Variants in TMEM204 observed in about 807,000 individuals in gnomAD.
The protein encoded by TMEM204 is transmembrane protein 204, also known as claudin-like protein 24.
A neutral mutation model predicts 19.4 loss-of-function variants in TMEM204; 15 were observed. The observed-to-expected ratio is 0.77, with a 90% CI of 0.52 to 1.19. The LOEUF is 1.19. TMEM204 is among the 50% of genes most tolerant of loss of function. The probability of loss-of-function intolerance (pLI) is 0.00; values close to 1 mark genes in which losing one functional copy is unlikely to be tolerated. For synonymous variants in TMEM204, 161 were observed against 146.0 expected, an observed-to-expected ratio of 1.10 and a Z score of -0.74; for missense variants, 287 against 321.2, an observed-to-expected ratio of 0.89 and a Z score of 0.81.
At chr16:1,541,422 C>T in intron 1 of TMEM204, 1 of 985,410 alleles carries the variant, frequency 1.0e-6, no homozygotes, top group South Asian at 4.7e-5. Context: ...CCACCATGAG[C>T]CGCTTGGGGG....
intron 1 of TMEM204, among the ~76,000 whole-genome samples, chr16:1,538,165 C>T (rs115451865): frequency 0.029 from 4,400 of 152,272 alleles, 212 homozygotes; most frequent in African/African-American, 0.1. Context: ...AGGAGTGCCT[C>T]CTTCCTGGCA....
chr16:1,547,281 C>T (rs1325852199), intron 2 of TMEM204, among the ~76,000 whole-genome samples: 2 of 152,196 alleles, frequency 1.3e-5, no homozygotes, highest in African/African-American at 4.8e-5. Context: ...CGTCCCGATG[C>T]CCCGTGACAC....
At position 1,541,172 on chromosome 16, in the gene TMEM204, G is replaced by A. The variant is rs1018859146; in HGVS notation, c.281-749G>A. 3 of 985,314 alleles carry A rather than the reference G, an allele frequency of 3.0e-6. No individual in the cohort carries two copies. In the African/African-American group the frequency reaches 5.2e-5, roughly 17 times the overall value. 61.0% of individuals were successfully genotyped at this position (985,314 alleles called of 1,614,324 possible). A position where few individuals can be genotyped will look rare whatever the true frequency, so the allele number is the denominator to read the frequency against. On this transcript the variant is annotated intron_variant, in intron 1 of 2. Coordinates refer to ENST00000566264, the MANE Select transcript of TMEM204 (RefSeq NM_024600.6). Reference sequence around the variant, plus strand: ...GCTCCTGCAACCAGGTGTAGGTGGGGGACAGAGAAGGCTGGGCACAGGCCT... The same window carrying A: ...GCTCCTGCAACCAGGTGTAGGTGGGAGACAGAGAAGGCTGGGCACAGGCCT...
chr16:1,554,168 G>A (rs1006749414), intron 2 of TMEM204: 18 of 1,274,392 alleles, frequency 1.4e-5, no homozygotes, highest in Non-Finnish European at 1.8e-5. Context: ...ACAAGGCCCT[G>A]GCCCCATCTC....
At chr16:1,542,756 C>T (rs558044292) in intron 2 of TMEM204, among the ~76,000 whole-genome samples, 3 of 152,362 alleles carry the variant, frequency 2.0e-5, no homozygotes, top group South Asian at 4.1e-4. Context: ...AGGACCATCA[C>T]GAGGCCCTGG....
At position 1,553,329 on chromosome 16, in the gene TMEM204, T is replaced by A. The variant is rs938719962; in HGVS notation, c.437-1453T>A. 2.0e-6 allele frequency: 2 copies of A among 985,374 alleles called. No homozygotes were observed. The highest frequency in any genetic ancestry group is 5.2e-4 in the Middle Eastern group (1 of 1,914). 61.0% of individuals were successfully genotyped at this position (985,374 alleles called of 1,614,324 possible). A position where few individuals can be genotyped will look rare whatever the true frequency, so the allele number is the denominator to read the frequency against. ...GTCTCTGTCTCTGTGTCTCTGTCCC[T>A]GTGTCTCTTTTTCTCCCATCCTCTC... On this transcript the variant is annotated intron_variant, in intron 2 of 2. Transcript: ENST00000566264. The surrounding 1 kb of genome is among the most constrained non-coding windows in gnomAD (Gnocchi z 4.4).
rs1027261594 is a variant in TMEM204 at position 1,551,053 on chromosome 16, A to C, written c.437-3729A>C. Among the ~76,000 whole-genome samples, 3 of 152,134 alleles carry C rather than the reference A, an allele frequency of 2.0e-5. No individual in the cohort carries two copies. Among genetic ancestry groups the C allele is most frequent in the Admixed American group, 2.0e-4 (3 of 15,284 alleles). ...CCCTTTGAGGGGTCCTGGTCACTCA[A>C]CTGCCAAGGCTGCTGTTCCTCCTCG... On this transcript the variant is annotated intron_variant, in intron 2 of 2. Transcript: ENST00000566264. This position sits in a 1 kb window ranked among gnomAD's most constrained non-coding sequence, Gnocchi z 4.0.
rs955992979 is a variant in TMEM204, at chr16:1,533,952, G to A, written c.-324G>A. On this transcript the variant is annotated 5_prime_UTR_variant, in exon 1 of 3. Coordinates refer to ENST00000566264, the MANE Select transcript of TMEM204 (RefSeq NM_024600.6). The surrounding 1 kb of genome is among the most constrained non-coding windows in gnomAD (Gnocchi z 4.7). ...GCTGCAGGCGAGAAGAGGCACGCGCGGCACAGGCCGGCCTCCGCTTCCCGG... is the reference window on the plus strand; with the variant it reads ...GCTGCAGGCGAGAAGAGGCACGCGCAGCACAGGCCGGCCTCCGCTTCCCGG... The A allele has an allele frequency of 2.5e-5, 10 of 398,736 alleles. No individual in the cohort carries two copies. Among genetic ancestry groups the A allele is most frequent in the Non-Finnish European group, 4.5e-5 (10 of 222,518 alleles). The allele number at this position is 398,736 out of a possible 1,614,324, so 24.7% of individuals were successfully genotyped here.
chr16:1,553,932 A>T lies in TMEM204; in HGVS notation c.437-850A>T. The T allele has an allele frequency of 7.8e-7, 1 of 1,285,168 alleles. No homozygotes were observed. Among genetic ancestry groups the T allele is most frequent in the South Asian group, 1.2e-5 (1 of 80,908 alleles). 79.6% of individuals were successfully genotyped at this position (1,285,168 alleles called of 1,614,324 possible). ...CTAAAAAGGTCTTTGGAGCTCCTCA[A>T]AGATAAAACTGTAAGTGAAACTGTA... On this transcript the variant is annotated intron_variant, in intron 2 of 2. Coordinates refer to ENST00000566264, the MANE Select transcript of TMEM204 (RefSeq NM_024600.6). The surrounding 1 kb of genome is among the most constrained non-coding windows in gnomAD (Gnocchi z 4.4).
At chr16:1,544,239 C>A (rs886493946) in intron 2 of TMEM204, among the ~76,000 whole-genome samples, 38 of 148,198 alleles carry the variant, frequency 2.6e-4, no homozygotes, top group Admixed American at 1.4e-3. Flanking sequence ...GCTGGAGTGC[C>A]GTGGCACAAT....
intron 1 of TMEM204, 108 bp from the exon 2 acceptor site, chr16:1,541,813 C>T (rs573191192): frequency 1.5e-5 from 21 of 1,359,420 alleles, no homozygotes; most frequent in East Asian, 2.6e-5. Flanking sequence ...CAGCCTGTGC[C>T]GACCGCCCTT....
rs570954438 is a variant in TMEM204 at position 1,551,980 on chromosome 16, C to T, written c.437-2802C>T. ...GGCCCGCGCTGTCCCCCTGCAATGA[C>T]GGTACCTCCAGGTCCCCTATGTGTG... On this transcript the variant is annotated intron_variant, in intron 2 of 2. Transcript: ENST00000566264. The surrounding 1 kb of genome is among the most constrained non-coding windows in gnomAD (Gnocchi z 4.0). Among the ~76,000 whole-genome samples the T allele has an allele frequency of 6.6e-5, 10 of 152,240 alleles. No homozygotes were observed. The South Asian group carries it at 1.9e-3, about 28-fold the overall frequency.
rs2032971626 is a variant in TMEM204, at chr16:1,554,975, A to G, written c.630A>G (p.Thr210=). The G allele has an allele frequency of 1.2e-6, 2 of 1,613,756 alleles. No homozygotes were observed. The highest frequency in any genetic ancestry group is 1.7e-5 in the Admixed American group (1 of 60,000). ...PRVIVISRSL[T]ARFRRGLDND... The stretch of plus-strand genomic sequence containing the variant: ...TGATTGTCATCAGCCGCTCCCTGAC[A>G]GCGCGCTTTCGCCGTGGGCTGGACA... The change falls in exon 3 of 3, where the codon ACA becomes ACG. Residue 210 remains threonine (T), a synonymous_variant. Transcript: ENST00000566264.
Position 1,534,548 on chromosome 16 carries a change from C to G in TMEM204, c.273C>G (p.Thr91=). 3.1e-6 allele frequency: 5 copies of G among 1,603,050 alleles called. No individual in the cohort carries two copies. Among genetic ancestry groups the G allele is most frequent in the Non-Finnish European group, 4.2e-6 (5 of 1,179,840 alleles). Residue 91 remains threonine, a synonymous_variant, in exon 1 of 3, where the codon ACC becomes ACG. Transcript: ENST00000566264. ...EAAGFQESRG[T]VKLQFDMMRA... ...CCGGCTTCCAGGAGTCCCGAGGCAC[C>G]GTCAAACGTAAGTCCAATTGTTTTC...
At chr16:1,546,105 T>C (rs2032149751) in intron 2 of TMEM204, among the ~76,000 whole-genome samples, 1 of 152,224 alleles carries the variant, frequency 6.6e-6, no homozygotes, top group African/African-American at 2.4e-5. Context: ...GTCTTGTTGA[T>C]TTGTGCAGAT....
At chr16:1,549,507 C>T (rs2032460016) in intron 2 of TMEM204, among the ~76,000 whole-genome samples, 2 of 152,212 alleles carry the variant, frequency 1.3e-5, no homozygotes, top group African/African-American at 4.8e-5. Context: ...CGGCTCACCG[C>T]CGCAAGCTCT....
At chr16:1,542,491 C>T (rs952297219) in intron 2 of TMEM204, among the ~76,000 whole-genome samples, 7 of 152,248 alleles carry the variant, frequency 4.6e-5, no homozygotes, top group Non-Finnish European at 8.8e-5. Context: ...CAGAAGAGCC[C>T]ATGCCTGGCC....
At position 1,555,022 on chromosome 16, in the gene TMEM204, G is replaced by C; in HGVS notation, c.677G>C (p.Cys226Ser). ...GLDNDYVESP[C>S] ...GACAATGACTACGTGGAGTCACCAT[G>C]CTGAGTCGCCCTTCTCAGCGCTCCA... Residue 226 changes from cysteine (C) to serine (S), a missense_variant, in exon 3 of 3, where the codon TGC (cysteine) becomes TCC (serine). Physicochemically the swap from Cys to Ser is moderately radical, Grantham distance 112. Transcript: ENST00000566264. 6.2e-7 allele frequency: 1 copy of C among 1,608,404 alleles called. No homozygotes were observed. Among genetic ancestry groups the C allele is most frequent in the African/African-American group, 1.3e-5 (1 of 75,026 alleles).
At chr16:1,530,119 T>C (rs77608504), upstream of TMEM204, among the ~76,000 whole-genome samples, 1,575 of 151,070 alleles carry the variant, frequency 0.01, 39 homozygotes, top group African/African-American at 0.036. Flanking sequence ...CCCAAAAGAC[T>C]TCACGACGGG....
Sources: gnomAD v4.1 joint callset for allele counts (sites outside exome capture counted in the v4.1 genomes callset) on GRCh38, gnomAD v4.1.1 for gene constraint, Gnocchi (gnomAD v3.1) non-coding constraint, MANE v1.5 for transcripts, NCBI Gene and HGNC (gene_info 2026-07-23, HGNC 2026-07-21) for gene names.